The following BTF3 variants were observed in gnomAD, a reference collection of about 807,000 sequenced individuals.
The protein encoded by BTF3 is basic transcription factor 3.
Under a neutral mutation model 23.9 loss-of-function variants are expected in BTF3, and 12 were observed. The observed-to-expected ratio is 0.50, with a 90% CI of 0.32 to 0.81. The LOEUF (loss-of-function observed/expected upper bound fraction) is 0.81, where lower values mean the gene tolerates loss of function less well. Among genes scored for constraint, BTF3 ranks in the 40% least tolerant of loss-of-function variants. The probability of loss-of-function intolerance (pLI) is 0.03; values close to 1 mark genes in which losing one functional copy is unlikely to be tolerated. For synonymous variants in BTF3, 96 were observed against 94.8 expected, an observed-to-expected ratio of 1.01 and a Z score of -0.07; for missense variants, 215 against 255.9, an observed-to-expected ratio of 0.84 and a Z score of 1.09.
At chr5:73,504,268 T>TTTTTTTTTTTTTTTTTG in intron 4 of BTF3, 79 bp from the exon 5 acceptor site, 1 of 116,784 alleles carries the variant, frequency 8.6e-6, no homozygotes, top group Non-Finnish European at 1.2e-5. Flanking sequence ...TCATCTGTTC[T>TTTTTTTTTTTTTTTTTG]TTTTTTTTTT....
In BTF3 at chr5:73,502,477, C is replaced by T; in HGVS notation, c.202-11C>T. 1 of 1,576,680 alleles carries T rather than the reference C, an allele frequency of 6.3e-7. No individual in the cohort carries two copies. The highest frequency in any genetic ancestry group is 8.6e-7 in the Non-Finnish European group (1 of 1,167,634). On this transcript the variant is annotated splice_polypyrimidine_tract_variant and intron_variant, in intron 2 of 5. Transcript: ENST00000380591. ...ATGTGCTGTTTTCTTTCCTCTTCTC[C>T]CTGACTTTAGGGAACTGCTCGCAGA...
intron 2 of BTF3, among the ~76,000 whole-genome samples, chr5:73,500,872 A>G (rs898380245): frequency 1.3e-5 from 2 of 151,688 alleles, no homozygotes; most frequent in South Asian, 4.1e-4. Flanking sequence ...AGATACATAC[A>G]TGACCATTTC....
chr5:73,502,454 G>A, intron 2 of BTF3, 34 bp from the exon 3 acceptor site: 11 of 1,435,692 alleles, frequency 7.7e-6, no homozygotes, highest in Non-Finnish European at 1.1e-5. Context: ...TGGTATAAAT[G>A]TGCTGTTTTC....
Position 73,502,474 on chromosome 5 carries a change from C to T in BTF3, c.202-14C>T, listed in dbSNP as rs370598378. On this transcript the variant is annotated splice_polypyrimidine_tract_variant and intron_variant, in intron 2 of 5. Coordinates refer to ENST00000380591, the MANE Select transcript of BTF3 (RefSeq NM_001037637.2). ...TAAATGTGCTGTTTTCTTTCCTCTTCTCCCTGACTTTAGGGAACTGCTCGC... is the reference window on the plus strand; with the variant it reads ...TAAATGTGCTGTTTTCTTTCCTCTTTTCCCTGACTTTAGGGAACTGCTCGC... 1.4e-4 allele frequency: 212 copies of T among 1,569,138 alleles called. No homozygotes were observed. The highest frequency in any genetic ancestry group is 1.7e-4 in the Non-Finnish European group (201 of 1,161,154).
At chr5:73,501,790 G>A (rs1477752302) in intron 2 of BTF3, among the ~76,000 whole-genome samples, 5 of 152,180 alleles carry the variant, frequency 3.3e-5, no homozygotes, top group African/African-American at 1.2e-4. Context: ...TCCTATAGAA[G>A]TCTATATACA....
Position 73,502,532 on chromosome 5 carries a change from A to G in BTF3, c.246A>G (p.Thr82=), listed in dbSNP as rs1358382206. The G allele has an allele frequency of 6.2e-7, 1 of 1,610,694 alleles. No individual in the cohort carries two copies. Among genetic ancestry groups the G allele is most frequent in the African/African-American group, 1.3e-5 (1 of 74,900 alleles). Reference sequence around the variant, plus strand: ...AGAAGGTGGTTCATAGAACAGCCACAGCAGATGACAAAAAACTTCAGTTCT... The same window carrying G: ...AGAAGGTGGTTCATAGAACAGCCACGGCAGATGACAAAAAACTTCAGTTCT... ...RKKKVVHRTA[T]ADDKKLQFSL... Residue 82 remains threonine (T), a synonymous_variant, in exon 3 of 6, where the codon ACA becomes ACG. Transcript: ENST00000380591.
At position 73,504,267 on chromosome 5, in the gene BTF3, C is replaced by CTTTTTTTTTT. The variant is rs34051700; in HGVS notation, c.518-64_518-55dup. ...AACAACACTTGGCATTTCATCTGTT[C>CTTTTTTTTTT]TTTTTTTTTTTTTTTTTTTTTTTTT... is the stretch of plus-strand genomic sequence containing the variant. On this transcript the variant is annotated intron_variant, in intron 4 of 5. Transcript: ENST00000380591. 398 of 125,326 alleles carry CTTTTTTTTTT rather than the reference C, an allele frequency of 3.2e-3. 25 individuals carry two copies. The highest frequency in any genetic ancestry group is 4.0e-3 in the Non-Finnish European group (267 of 66,798). The allele number at this position is 125,326 out of a possible 1,614,324, so 7.8% of individuals were successfully genotyped here.
At chr5:73,504,764 G>A (rs1356448892) in intron 5 of BTF3, 4 of 212,136 alleles carry the variant, frequency 1.9e-5, no homozygotes, top group East Asian at 1.2e-4. Context: ...GGTATCTTGG[G>A]ATATATATAT....
chr5:73,498,946 TG>T, intron 1 of BTF3, 147 bp downstream of exon 1: 1 of 1,288,568 alleles, frequency 7.8e-7, no homozygotes, highest in South Asian at 1.5e-5. Flanking sequence ...TGTGGGGGAG[TG>T]GTGGGGAGGC....
chr5:73,499,431 A>G, intron 2 of BTF3: 3 of 625,336 alleles, frequency 4.8e-6, no homozygotes, highest in Non-Finnish European at 8.5e-6. Flanking sequence ...TTTCAGTGTT[A>G]CAGAGTGTAA....
intron 2 of BTF3, among the ~76,000 whole-genome samples, chr5:73,499,879 T>C (rs1465170771): frequency 1.3e-5 from 2 of 152,216 alleles, no homozygotes; most frequent in African/African-American, 4.8e-5. Context: ...CTGTAATTAA[T>C]AAGAAGTCCA....
At chr5:73,503,744 A>G (rs562137985) in intron 4 of BTF3, among the ~76,000 whole-genome samples, 1 of 152,206 alleles carries the variant, frequency 6.6e-6, no homozygotes, top group South Asian at 2.1e-4. Flanking sequence ...TTTTATTATC[A>G]CATTGAGTTG....
At chr5:73,502,373 G>A in intron 2 of BTF3, 115 bp from the exon 3 acceptor site, 1 of 683,308 alleles carries the variant, frequency 1.5e-6, no homozygotes. Context: ...TATGATTATG[G>A]TAATGTTCTT....
intron 4 of BTF3, 56 bp from the exon 5 acceptor site, chr5:73,504,291 T>TTTTTTTTC: frequency 1.4e-6 from 1 of 722,152 alleles, no homozygotes; most frequent in Non-Finnish European, 2.1e-6. Flanking sequence ...TTTTTTTTTT[T>TTTTTTTTC]TGGTGAATAT....
intron 5 of BTF3, among the ~76,000 whole-genome samples, 154 bp from the exon 6 acceptor site, chr5:73,505,038 C>CT (rs59856963): frequency 0.74 from 105,015 of 142,090 alleles, 39,028 homozygotes; most frequent in East Asian, 0.97. Flanking sequence ...ATTTTTTTCA[C>CT]TTTTTTTTTT....
chr5:73,502,553 G>T lies in BTF3; in HGVS notation c.267G>T (p.Gln89His), dbSNP rs1746462388. 5.0e-6 allele frequency: 8 copies of T among 1,609,926 alleles called. No individual in the cohort carries two copies. Among genetic ancestry groups the T allele is most frequent in the Non-Finnish European group, 6.8e-6 (8 of 1,179,052 alleles). ...RTATADDKKL[Q>H]FSLKKLGVNN... ...CCACAGCAGATGACAAAAAACTTCA[G>T]TTCTCCTTAAAGAAGTTAGGGGTAA... Residue 89 changes from glutamine to histidine, a missense_variant, in exon 3 of 6, where the codon CAG (glutamine) becomes CAT (histidine). By Grantham distance (24) the Gln-to-His change is conservative. Around this residue, in one of 2 missense-constraint regions of BTF3, gnomAD observed 99 missense variants for 171.2 expected, o/e 0.58. Coordinates refer to ENST00000380591, the MANE Select transcript of BTF3 (RefSeq NM_001037637.2).
At position 73,498,517 on chromosome 5, in the gene BTF3, C is replaced by T; in HGVS notation, c.-151C>T. On this transcript the variant is annotated 5_prime_UTR_variant, in exon 1 of 6. Transcript: ENST00000380591. ...GGTCCACCCGAGACCCCTTGAGCAC[C>T]AACCCTAGTCCCCCGCGCGGCCCCT... 30 of 1,217,808 alleles carry T rather than the reference C, an allele frequency of 2.5e-5. No homozygotes were observed. Among genetic ancestry groups the T allele is most frequent in the Non-Finnish European group, 2.9e-5 (27 of 933,238 alleles). 75.4% of individuals were successfully genotyped at this position (1,217,808 alleles called of 1,614,324 possible).
At chr5:73,498,895 G>A (rs188464958) in intron 1 of BTF3, 96 bp downstream of exon 1, 614 of 1,463,550 alleles carry the variant, frequency 4.2e-4, no homozygotes, top group Non-Finnish European at 5.2e-4. Context: ...GGCCAGGCGT[G>A]GGGTAGAGCC....
chr5:73,504,065 C>T (rs1193379818), intron 4 of BTF3, among the ~76,000 whole-genome samples: 1 of 152,130 alleles, frequency 6.6e-6, no homozygotes, highest in Admixed American at 6.5e-5. Context: ...GAGTTCCCTA[C>T]TGCCCTTATA....
Sources: allele counts gnomAD v4.1 joint callset (sites outside exome capture counted in the v4.1 genomes callset), GRCh38; gene constraint gnomAD v4.1.1; regional missense constraint gnomAD v4.1.1; transcripts MANE v1.5; gene names NCBI Gene and HGNC (gene_info 2026-07-23, HGNC 2026-07-21).